The following CADM2 variants were observed in gnomAD, a reference collection of about 807,000 sequenced individuals.
CADM2 encodes the protein cell adhesion molecule 2.
Under a neutral mutation model 49.8 loss-of-function variants are expected in CADM2, and 12 were observed. The observed-to-expected ratio is 0.24, with a 90% CI of 0.15 to 0.39. The LOEUF is 0.39. Ranked by LOEUF, CADM2 falls within the 10% of genes least tolerant of loss-of-function variation. CADM2 has a pLI of 1.00. For missense variants in CADM2, 378 were observed against 492.3 expected, an observed-to-expected ratio of 0.77 and a Z score of 2.20; for synonymous variants, 214 against 175.4, an observed-to-expected ratio of 1.22 and a Z score of -1.74.
chr3:85,169,948 T>C (rs1358848465), intron 1 of CADM2, among the ~76,000 whole-genome samples: 1 of 151,510 alleles, frequency 6.6e-6, no homozygotes, highest in East Asian at 1.9e-4. Flanking sequence ...TCACAGAAAC[T>C]GTTGAGCAAA....
chr3:85,645,299 AGCAG>A (rs2064849511), intron 1 of CADM2, among the ~76,000 whole-genome samples: 5 of 152,198 alleles, frequency 3.3e-5, no homozygotes, highest in African/African-American at 1.2e-4. Flanking sequence ...AAATTGTTGC[AGCAG>A]TTAAAAGACA....
At chr3:85,373,969 C>G (rs1433883183) in intron 1 of CADM2, among the ~76,000 whole-genome samples, 1 of 152,156 alleles carries the variant, frequency 6.6e-6, no homozygotes, top group African/African-American at 2.4e-5. Flanking sequence ...CTGTGAAGAC[C>G]TCTGTCATGC....
rs545481556 is a variant in CADM2 at position 85,966,664 on chromosome 3, T to C, written c.970+5017T>C. Among the ~76,000 whole-genome samples, 13 of 151,798 alleles carry C rather than the reference T, an allele frequency of 8.6e-5. 1 individual carries two copies. In the South Asian group the frequency reaches 2.7e-3, roughly 31 times the overall value. On this transcript the variant is annotated intron_variant, in intron 8 of 9. Transcript: ENST00000383699. ...ATCTCTATAATTAGTATTATGATAC[T>C]ATATAGTAAGTTAGAATCAAGATTT... is the stretch of plus-strand genomic sequence containing the variant.
intron 1 of CADM2, among the ~76,000 whole-genome samples, chr3:85,619,805 A>G (rs1273504366): frequency 6.6e-6 from 1 of 152,140 alleles, no homozygotes; most frequent in African/African-American, 2.4e-5. Context: ...CACCATCATT[A>G]TTTCCTTCTT....
intron 1 of CADM2, among the ~76,000 whole-genome samples, chr3:85,685,559 A>G (rs2066177789): frequency 6.6e-6 from 1 of 151,990 alleles, no homozygotes; most frequent in Admixed American, 6.6e-5. Context: ...AAACAGCTTT[A>G]ATAAAATAAT....
At chr3:85,213,172 C>T (rs183023891) in intron 1 of CADM2, among the ~76,000 whole-genome samples, 63 of 152,014 alleles carry the variant, frequency 4.1e-4, no homozygotes, top group Non-Finnish European at 4.6e-4. Context: ...TGTGAACCAC[C>T]GTGCCTGGAC....
chr3:85,600,668 C>T (rs560740804), intron 1 of CADM2, among the ~76,000 whole-genome samples: 3 of 151,044 alleles, frequency 2.0e-5, no homozygotes, highest in South Asian at 4.2e-4. Context: ...TTTTTAAATA[C>T]GGTTAACTTT....
At chr3:85,088,286 T>C (rs1276627639) in intron 1 of CADM2, among the ~76,000 whole-genome samples, 1 of 152,142 alleles carries the variant, frequency 6.6e-6, no homozygotes, top group African/African-American at 2.4e-5. Flanking sequence ...ATCTCAGGAA[T>C]TGAACACCTT....
chr3:85,869,024 A>T (rs992514726), intron 3 of CADM2, among the ~76,000 whole-genome samples: 2 of 151,600 alleles, frequency 1.3e-5, no homozygotes, highest in African/African-American at 4.8e-5. Context: ...CATTTTTATT[A>T]TATTTTTCTG....
intron 1 of CADM2, among the ~76,000 whole-genome samples, chr3:85,676,911 A>G (rs2065901263): frequency 6.6e-6 from 1 of 152,080 alleles, no homozygotes; most frequent in Admixed American, 6.6e-5. Flanking sequence ...ATCCCATTCA[A>G]TATACCTCAT....
intron 1 of CADM2, among the ~76,000 whole-genome samples, chr3:85,211,125 AGTT>A (rs1184758630): frequency 6.6e-6 from 1 of 152,082 alleles, no homozygotes; most frequent in Non-Finnish European, 1.5e-5. Context: ...CTGTGTTATC[AGTT>A]GTTATGTCTA....
chr3:85,166,039 C>G (rs895347057), intron 1 of CADM2, among the ~76,000 whole-genome samples: 3 of 151,556 alleles, frequency 2.0e-5, no homozygotes, highest in African/African-American at 7.3e-5. Context: ...ATTAACCCAA[C>G]ATGTAGTTCT....
At chr3:85,608,845 A>T (rs1257595610) in intron 1 of CADM2, among the ~76,000 whole-genome samples, 1 of 152,096 alleles carries the variant, frequency 6.6e-6, no homozygotes, top group East Asian at 1.9e-4. Flanking sequence ...AATGAGAGGG[A>T]AAAGAAAACC....
intron 1 of CADM2, among the ~76,000 whole-genome samples, chr3:85,337,277 G>A (rs1253172199): frequency 1.3e-4 from 20 of 150,568 alleles, no homozygotes; most frequent in Non-Finnish European, 3.0e-4. Flanking sequence ...GTGTAGCACA[G>A]TGCAAATGAT....
At position 85,066,885 on chromosome 3, in the gene CADM2, G is replaced by A. The variant is rs138129570; in HGVS notation, c.61+107217G>A. Among the ~76,000 whole-genome samples, 28 of 152,058 alleles carry A rather than the reference G, an allele frequency of 1.8e-4. No homozygotes were observed. The East Asian group carries it at 5.0e-3, about 27-fold the overall frequency. ...TCCAGACGAAGCCATTCATTCTTACGACATTCCACACTTCTCCTTTCTTGT... is the reference window on the plus strand; with the variant it reads ...TCCAGACGAAGCCATTCATTCTTACAACATTCCACACTTCTCCTTTCTTGT... On this transcript the variant is annotated intron_variant, in intron 1 of 9. Transcript: ENST00000383699.
chr3:85,454,246 G>C (rs187693128), intron 1 of CADM2, among the ~76,000 whole-genome samples: 124 of 152,090 alleles, frequency 8.2e-4, no homozygotes, highest in African/African-American at 2.9e-3. Flanking sequence ...AAGGAGAATC[G>C]CTTGAACCCG....
intron 6 of CADM2, among the ~76,000 whole-genome samples, chr3:85,927,390 A>G (rs1720009827): frequency 6.6e-6 from 1 of 152,136 alleles, no homozygotes; most frequent in African/African-American, 2.4e-5. Flanking sequence ...GTTTAAGACT[A>G]ATACCTGATC....
intron 1 of CADM2, among the ~76,000 whole-genome samples, chr3:84,998,366 C>A (rs1432463134): frequency 1.3e-5 from 2 of 152,000 alleles, no homozygotes; most frequent in Non-Finnish European, 2.9e-5. Context: ...ATATGTTCTC[C>A]GGAGCAAGTA....
intron 1 of CADM2, among the ~76,000 whole-genome samples, chr3:85,072,933 A>T (rs1344816974): frequency 2.6e-5 from 4 of 152,052 alleles, no homozygotes; most frequent in Non-Finnish European, 5.9e-5. Flanking sequence ...TGAAATTAAT[A>T]AGTATTCTAT....
Sources: gnomAD v4.1 joint callset for allele counts (sites outside exome capture counted in the v4.1 genomes callset) on GRCh38, gnomAD v4.1.1 for gene constraint, MANE v1.5 for transcripts, NCBI Gene and HGNC (gene_info 2026-07-23, HGNC 2026-07-21) for gene names.